PXDNL: variants seen among roughly 807,000 people sequenced by gnomAD.
PXDNL encodes probable oxidoreductase PXDNL.
In PXDNL, 145 loss-of-function variants were observed where a neutral mutation model predicts 150.8. The ratio of observed to expected loss-of-function variants is 0.96; its 90% CI spans 0.84 to 1.10. The LOEUF (loss-of-function observed/expected upper bound fraction) is 1.10. PXDNL is among the 50% of genes least tolerant of loss of function. PXDNL has a pLI of 0.00. For missense variants in PXDNL, 2,087 were observed against 1,873.9 expected (o/e 1.11, Z -2.10); for synonymous variants, 757 against 725.7 (o/e 1.04, Z -0.69).
At chr8:51,435,506 A>T (rs1169386436) in intron 12 of PXDNL, 1 of 163,146 alleles carries the variant, frequency 6.1e-6, no homozygotes, top group Non-Finnish European at 1.5e-5. Flanking sequence ...TTTTTAAAAA[A>T]AGTAATAAAT....
intron 14 of PXDNL, among the ~76,000 whole-genome samples, chr8:51,416,800 C>G (rs1331114269): frequency 2.0e-5 from 3 of 152,104 alleles, no homozygotes; most frequent in African/African-American, 7.2e-5. Context: ...TATTTAAGCT[C>G]TAAACTACAC....
At chr8:51,632,538 G>C (rs373028953) in intron 2 of PXDNL, among the ~76,000 whole-genome samples, 1 of 152,146 alleles carries the variant, frequency 6.6e-6, no homozygotes, top group Non-Finnish European at 1.5e-5. Flanking sequence ...AGAGTTCAAG[G>C]CTGCAGTGAA....
chr8:51,440,868 A>G (rs1217426895), intron 12 of PXDNL, among the ~76,000 whole-genome samples: 2 of 152,194 alleles, frequency 1.3e-5, no homozygotes, highest in African/African-American at 4.8e-5. Flanking sequence ...GCAGAGGGCC[A>G]GCAGGATTGC....
chr8:51,353,809 C>T (rs576920617), intron 19 of PXDNL, among the ~76,000 whole-genome samples: 21 of 152,192 alleles, frequency 1.4e-4, no homozygotes, highest in Non-Finnish European at 2.1e-4. Flanking sequence ...AAATAAACTT[C>T]GTTTCAGTGA....
intron 4 of PXDNL, among the ~76,000 whole-genome samples, chr8:51,549,276 C>T (rs79089773): frequency 0.026 from 3,979 of 152,062 alleles, 95 homozygotes; most frequent in African/African-American, 0.06. Flanking sequence ...GTCACCAAGA[C>T]GGAAAGTCCA....
At chr8:51,613,150 G>T (rs1563483754) in intron 2 of PXDNL, among the ~76,000 whole-genome samples, 1 of 151,966 alleles carries the variant, frequency 6.6e-6, no homozygotes, top group Non-Finnish European at 1.5e-5. Context: ...AATGTCAAAG[G>T]TTATTCTCAG....
At position 51,544,941 on chromosome 8, in the gene PXDNL, T is replaced by G. The variant is rs1226942397; in HGVS notation, c.380+11899A>C. 2.9e-3 allele frequency among the ~76,000 whole-genome samples: 444 copies of G among 152,310 alleles called. 3 individuals carry two copies. Among genetic ancestry groups the G allele is most frequent in the African/African-American group, 0.01 (425 of 41,556 alleles). On this transcript the variant is annotated intron_variant, in intron 4 of 22. Transcript: ENST00000356297. ...AACATCTCCGGCACCTTAAGATCTATCATTGTTTTGCCAAGATATACTGAA... is the reference window on the plus strand; with the variant it reads ...AACATCTCCGGCACCTTAAGATCTAGCATTGTTTTGCCAAGATATACTGAA...
At chr8:51,554,331 C>T (rs1374396184) in intron 4 of PXDNL, among the ~76,000 whole-genome samples, 1 of 152,054 alleles carries the variant, frequency 6.6e-6, no homozygotes, top group Admixed American at 6.6e-5. Context: ...TTGAGGCTGC[C>T]TCAAAGATCT....
At chr8:51,743,672 A>G (rs1350743603) in intron 1 of PXDNL, among the ~76,000 whole-genome samples, 1 of 151,856 alleles carries the variant, frequency 6.6e-6, no homozygotes, top group Non-Finnish European at 1.5e-5. Flanking sequence ...ATGAGCCACC[A>G]TGCCCGGGCA....
chr8:51,447,251 G>A, intron 11 of PXDNL, 89 bp from the exon 12 acceptor site: 1 of 1,391,240 alleles, frequency 7.2e-7, no homozygotes, highest in Non-Finnish European at 9.9e-7. Context: ...GGTGAGGCCT[G>A]TCTTTCAGGA....
At chr8:51,746,667 T>C (rs1258397212) in intron 1 of PXDNL, among the ~76,000 whole-genome samples, 1 of 152,218 alleles carries the variant, frequency 6.6e-6, no homozygotes. Context: ...TTATCTACTT[T>C]GTAAGCTCCA....
chr8:51,413,030 A>T, intron 15 of PXDNL, 120 bp downstream of exon 15: 1 of 637,160 alleles, frequency 1.6e-6, no homozygotes, highest in Non-Finnish European at 2.8e-6. Flanking sequence ...GGATGCATAC[A>T]CAAGGACTAA....
intron 4 of PXDNL, among the ~76,000 whole-genome samples, chr8:51,525,848 G>T (rs79115253): frequency 0.016 from 2,364 of 152,186 alleles, 65 homozygotes; most frequent in African/African-American, 0.054. Context: ...AGAACTCCAT[G>T]GTGAACCCTC....
intron 17 of PXDNL, among the ~76,000 whole-genome samples, chr8:51,382,123 C>G (rs1388011506): frequency 6.6e-6 from 1 of 152,050 alleles, no homozygotes; most frequent in East Asian, 1.9e-4. Flanking sequence ...GTGTGTGAGC[C>G]ACCGCTCCGG....
At chr8:51,635,232 G>T (rs527451906) in intron 2 of PXDNL, among the ~76,000 whole-genome samples, 2 of 152,220 alleles carry the variant, frequency 1.3e-5, no homozygotes, top group South Asian at 2.1e-4. Flanking sequence ...TGAAAGCAGT[G>T]CTGAGAGAGA....
chr8:51,500,936 C>T (rs28560412), intron 4 of PXDNL, among the ~76,000 whole-genome samples: 2,092 of 152,310 alleles, frequency 0.014, 52 homozygotes, highest in African/African-American at 0.047. Context: ...AATACTTTTA[C>T]TTCATTCCTA....
At chr8:51,733,092 C>A (rs1816965350) in intron 1 of PXDNL, among the ~76,000 whole-genome samples, 1 of 152,216 alleles carries the variant, frequency 6.6e-6, no homozygotes. Flanking sequence ...GCAACAGTGC[C>A]TGTCACATGG....
At chr8:51,425,649 G>A (rs571462200) in intron 13 of PXDNL, among the ~76,000 whole-genome samples, 7 of 152,024 alleles carry the variant, frequency 4.6e-5, no homozygotes, top group East Asian at 1.9e-4. Flanking sequence ...GTGAAACCCC[G>A]TCTCTACTAA....
intron 4 of PXDNL, among the ~76,000 whole-genome samples, chr8:51,550,390 C>A (rs1052877365): frequency 6.6e-6 from 1 of 152,010 alleles, no homozygotes; most frequent in African/African-American, 2.4e-5. Flanking sequence ...AAAAAGAAAA[C>A]TACAGACCAA....
Sources: gnomAD v4.1 joint callset for allele counts (sites outside exome capture counted in the v4.1 genomes callset) on GRCh38, gnomAD v4.1.1 for gene constraint, MANE v1.5 for transcripts, NCBI Gene and HGNC (gene_info 2026-07-23, HGNC 2026-07-21) for gene names.